CSMD1: variants seen among roughly 807,000 people sequenced by gnomAD.
CSMD1 encodes the protein CUB and Sushi multiple domains 1.
A neutral mutation model predicts 417.5 loss-of-function variants in CSMD1; 213 were observed. The observed-to-expected ratio is 0.51, with a 90% CI of 0.46 to 0.57. CSMD1 has a LOEUF of 0.57. Among genes scored for constraint, CSMD1 ranks in the 20% least tolerant of loss-of-function variants. CSMD1 has a pLI of 0.00. For synonymous variants in CSMD1, 2,862 were observed against 1,736.8 expected, an observed-to-expected ratio of 1.65 and a Z score of -16.11; for missense variants, 6,923 against 4,529.7, an observed-to-expected ratio of 1.53 and a Z score of -15.17.
intron 8 of CSMD1, among the ~76,000 whole-genome samples, chr8:3,602,996 G>A (rs1801435305): frequency 6.6e-6 from 1 of 152,174 alleles, no homozygotes; most frequent in African/African-American, 2.4e-5. Flanking sequence ...AAAAGACTGT[G>A]TAAGAGAGAG....
At chr8:4,884,054 T>C (rs531256335) in intron 1 of CSMD1, among the ~76,000 whole-genome samples, 20 of 152,154 alleles carry the variant, frequency 1.3e-4, no homozygotes, top group African/African-American at 4.1e-4. Flanking sequence ...TGTCTCACTA[T>C]GGTTGGATTT....
chr8:3,145,007 G>A (rs1818752498), intron 40 of CSMD1, among the ~76,000 whole-genome samples: 1 of 151,956 alleles, frequency 6.6e-6, no homozygotes, highest in Non-Finnish European at 1.5e-5. Flanking sequence ...TAATAAGAAT[G>A]AATCTTGTTA....
intron 7 of CSMD1, among the ~76,000 whole-genome samples, chr8:3,617,369 G>C (rs542248608): frequency 6.6e-6 from 1 of 152,174 alleles, no homozygotes; most frequent in African/African-American, 2.4e-5. Flanking sequence ...CACCATCACA[G>C]AATAATTTCT....
chr8:4,834,179 G>C (rs1390601653), intron 1 of CSMD1, among the ~76,000 whole-genome samples: 1 of 152,154 alleles, frequency 6.6e-6, no homozygotes, highest in African/African-American at 2.4e-5. Flanking sequence ...GTTATGTCAG[G>C]TTTAAATCTG....
chr8:3,523,864 CACTT>C (rs557195043), intron 10 of CSMD1, among the ~76,000 whole-genome samples: 80 of 150,926 alleles, frequency 5.3e-4, no homozygotes, highest in South Asian at 1.7e-3. Flanking sequence ...CGCATGCACA[CACTT>C]ACACATGCAC....
intron 5 of CSMD1, among the ~76,000 whole-genome samples, chr8:3,949,092 T>C (rs1225201929): frequency 6.6e-6 from 1 of 152,210 alleles, no homozygotes; most frequent in Non-Finnish European, 1.5e-5. Context: ...ATACAAATTA[T>C]ACCTATTTAT....
chr8:3,559,439 G>T (rs907158709), intron 10 of CSMD1, among the ~76,000 whole-genome samples: 1 of 152,124 alleles, frequency 6.6e-6, no homozygotes, highest in Non-Finnish European at 1.5e-5. Context: ...ATATTGTAAC[G>T]TTGCCAAGCA....
chr8:4,210,993 C>A (rs911578083), intron 3 of CSMD1, among the ~76,000 whole-genome samples: 3 of 152,076 alleles, frequency 2.0e-5, no homozygotes, highest in African/African-American at 7.2e-5. Context: ...TTACTACAAA[C>A]AGAAAGAACC....
rs1221429100 is a variant in CSMD1, at chr8:4,419,948, C to G, written c.415+5G>C. 6.4e-7 allele frequency: 1 copy of G among 1,550,776 alleles called. No homozygotes were observed. The highest frequency in any genetic ancestry group is 8.8e-7 in the Non-Finnish European group (1 of 1,139,724). ...TGCATGTGCAAAACACAACCAATCT[C>G]CTACCTTCATATAATGCTTTGAAAC... is the stretch of plus-strand genomic sequence containing the variant. On this transcript the variant is annotated splice_donor_5th_base_variant and intron_variant, in intron 3 of 69. Transcript: ENST00000635120.
chr8:3,358,026 G>A (rs1808908122), intron 21 of CSMD1, among the ~76,000 whole-genome samples: 1 of 152,046 alleles, frequency 6.6e-6, no homozygotes, highest in Non-Finnish European at 1.5e-5. Context: ...ATATCCCTAA[G>A]CAACCCCAAA....
At chr8:4,905,223 G>C (rs1268228761) in intron 1 of CSMD1, among the ~76,000 whole-genome samples, 3 of 152,020 alleles carry the variant, frequency 2.0e-5, no homozygotes, top group Admixed American at 6.6e-5. Context: ...TTTCATACAG[G>C]CATTATCTCT....
chr8:3,434,330 A>T (rs923868780), intron 12 of CSMD1, among the ~76,000 whole-genome samples: 1 of 152,154 alleles, frequency 6.6e-6, no homozygotes, highest in Admixed American at 6.6e-5. Flanking sequence ...AGATGTTCCT[A>T]TATGTAATAC....
intron 2 of CSMD1, among the ~76,000 whole-genome samples, chr8:4,450,043 G>C (rs1179693876): frequency 6.6e-6 from 1 of 152,126 alleles, no homozygotes; most frequent in East Asian, 1.9e-4. Flanking sequence ...TGATGACTGG[G>C]TTCCACTTTT....
In CSMD1 at chr8:3,860,021, T is replaced by C. The variant is rs114384669; in HGVS notation, c.819-105979A>G. ...CCAAACTTGGAGTTTGTTTGAGAAG[T>C]AAGAATGTGCTTGTGGAGGGTCATG... On this transcript the variant is annotated intron_variant, in intron 5 of 69. Transcript: ENST00000635120. Among the ~76,000 whole-genome samples the C allele has an allele frequency of 3.5e-3, 538 of 152,178 alleles. 5 individuals are homozygous for C. Among genetic ancestry groups the C allele is most frequent in the African/African-American group, 0.012 (505 of 41,440 alleles).
intron 52 of CSMD1, among the ~76,000 whole-genome samples, chr8:3,010,870 A>G (rs1273330259): frequency 1.3e-5 from 2 of 151,706 alleles, no homozygotes; most frequent in East Asian, 1.9e-4. Context: ...CAGCTTCCCA[A>G]GTAGCTGGGA....
At chr8:4,132,768 C>G (rs1453125997) in intron 3 of CSMD1, among the ~76,000 whole-genome samples, 3 of 152,060 alleles carry the variant, frequency 2.0e-5, no homozygotes, top group Non-Finnish European at 4.4e-5. Context: ...TCTCTACAAT[C>G]CGTTTAAAAA....
chr8:3,241,719 C>A (rs899673713), intron 26 of CSMD1, among the ~76,000 whole-genome samples: 2 of 152,104 alleles, frequency 1.3e-5, no homozygotes, highest in African/African-American at 4.8e-5. Context: ...GAACGCCTGG[C>A]CGCTGCGGTT....
chr8:3,802,640 C>G (rs1245835041), intron 5 of CSMD1, among the ~76,000 whole-genome samples: 2 of 152,114 alleles, frequency 1.3e-5, no homozygotes, highest in Non-Finnish European at 2.9e-5. Flanking sequence ...AGTAATAAAG[C>G]AATCATGAGC....
chr8:3,444,681 G>A (rs1440203316), intron 12 of CSMD1, among the ~76,000 whole-genome samples: 1 of 152,154 alleles, frequency 6.6e-6, no homozygotes, highest in African/African-American at 2.4e-5. Context: ...TGATAGGCCT[G>A]AGGCTGAGGA....
Sources: allele counts gnomAD v4.1 joint callset (sites outside exome capture counted in the v4.1 genomes callset), GRCh38; gene constraint gnomAD v4.1.1; transcripts MANE v1.5; gene names NCBI Gene and HGNC (gene_info 2026-07-23, HGNC 2026-07-21).